Variants in DNM3 observed in about 807,000 individuals in gnomAD.
DNM3 encodes dynamin 3.
DNM3 carries 47 observed loss-of-function variants against 101.6 expected under a neutral mutation model. The observed-to-expected ratio is 0.46, with a 90% CI of 0.37 to 0.59. The LOEUF (loss-of-function observed/expected upper bound fraction) is 0.59, where lower values mean the gene tolerates loss of function less well. DNM3 is among the 20% of genes least tolerant of loss of function. DNM3 has a pLI of 0.00. For missense variants in DNM3, 849 were observed against 1,085.7 expected (o/e 0.78, Z 3.06); for synonymous variants, 385 against 387.9 (o/e 0.99, Z 0.09).
At position 172,084,670 on chromosome 1, in the gene DNM3, C is replaced by T. The variant is rs113443408; in HGVS notation, c.1493+2768C>T. Among the ~76,000 whole-genome samples, 1,084 of 152,112 alleles carry T rather than the reference C, an allele frequency of 7.1e-3. 20 individuals carry two copies. Among genetic ancestry groups the T allele is most frequent in the African/African-American group, 0.025 (1,031 of 41,502 alleles). On this transcript the variant is annotated intron_variant, in intron 12 of 20. Coordinates refer to ENST00000627582, the MANE Select transcript of DNM3 (RefSeq NM_015569.5). ...AAGTTGGCAAGAATGCTGTTTCCAT[C>T]AAGGAAGAAAAGTCAAGCCATATTT...
At chr1:172,330,434 T>C (rs906885460) in intron 17 of DNM3, among the ~76,000 whole-genome samples, 5 of 152,130 alleles carry the variant, frequency 3.3e-5, no homozygotes, top group Non-Finnish European at 5.9e-5. Flanking sequence ...GATATATACA[T>C]ATATGTTTGC....
At chr1:171,975,155 C>T (rs1469987515) in intron 2 of DNM3, among the ~76,000 whole-genome samples, 1 of 152,060 alleles carries the variant, frequency 6.6e-6, no homozygotes, top group African/African-American at 2.4e-5. Context: ...CTGCACCTGG[C>T]CATTGTTTTG....
chr1:171,997,537 C>T (rs2046082382), intron 4 of DNM3, among the ~76,000 whole-genome samples: 1 of 152,154 alleles, frequency 6.6e-6, no homozygotes, highest in Admixed American at 6.5e-5. Flanking sequence ...AGGAGCACTT[C>T]CTCCAGCTAT....
At chr1:172,356,585 T>G (rs1421970631) in intron 17 of DNM3, among the ~76,000 whole-genome samples, 1 of 152,012 alleles carries the variant, frequency 6.6e-6, no homozygotes, top group Non-Finnish European at 1.5e-5. Flanking sequence ...GCACATTCTA[T>G]TATGATTCCA....
intron 15 of DNM3, among the ~76,000 whole-genome samples, chr1:172,263,166 G>A (rs2062732043): frequency 6.6e-6 from 1 of 152,122 alleles, no homozygotes; most frequent in Admixed American, 6.5e-5. Flanking sequence ...CTAGGGGTGA[G>A]GACTGTGATA....
intron 4 of DNM3, among the ~76,000 whole-genome samples, chr1:171,999,726 G>C (rs1470558043): frequency 6.6e-6 from 1 of 151,992 alleles, no homozygotes; most frequent in Admixed American, 6.6e-5. Flanking sequence ...CTGGATTTAG[G>C]GTAGACCCTA....
intron 13 of DNM3, 37 bp downstream of exon 13, chr1:172,092,912 C>T (rs1459268054): frequency 6.6e-7 from 1 of 1,514,940 alleles, no homozygotes; most frequent in Non-Finnish European, 8.9e-7. Context: ...TATGCATGTC[C>T]CAAAGAATTT....
At position 172,410,936 on chromosome 1, in the gene DNM3, A is replaced by C; in HGVS notation, c.*3095A>C. The C allele has an allele frequency of 1.0e-6, 1 of 985,272 alleles. No individual in the cohort carries two copies. Among genetic ancestry groups the C allele is most frequent in the Non-Finnish European group, 1.2e-6 (1 of 829,806 alleles). 61.0% of individuals were successfully genotyped at this position (985,272 alleles called of 1,614,324 possible). A position where few individuals can be genotyped will look rare whatever the true frequency, so the allele number is the denominator to read the frequency against. On this transcript the variant is annotated 3_prime_UTR_variant, in exon 21 of 21. Coordinates refer to ENST00000627582, the MANE Select transcript of DNM3 (RefSeq NM_015569.5). Reference sequence around the variant, plus strand: ...TTTTCTGTGTACAAACACATTTTCTATGCATGTGTCTCTGTGTATATGGCA... The same window carrying C: ...TTTTCTGTGTACAAACACATTTTCTCTGCATGTGTCTCTGTGTATATGGCA...
chr1:172,028,951 T>A (rs1208939066), intron 4 of DNM3, among the ~76,000 whole-genome samples: 1 of 151,918 alleles, frequency 6.6e-6, no homozygotes, highest in Non-Finnish European at 1.5e-5. Flanking sequence ...CAGGACCAGA[T>A]AGATTCACAG....
chr1:172,245,969 G>T (rs1486878839), intron 14 of DNM3, among the ~76,000 whole-genome samples: 1 of 152,152 alleles, frequency 6.6e-6, no homozygotes, highest in East Asian at 1.9e-4. Flanking sequence ...TGACTGGGAG[G>T]CCTCAAGATA....
At chr1:171,947,979 T>G (rs2042268613) in intron 2 of DNM3, among the ~76,000 whole-genome samples, 1 of 152,228 alleles carries the variant, frequency 6.6e-6, no homozygotes, top group South Asian at 2.1e-4. Flanking sequence ...GTTTGTTTGC[T>G]TTTAATCTGT....
At chr1:172,352,201 T>G (rs1006804630) in intron 17 of DNM3, among the ~76,000 whole-genome samples, 52 of 152,184 alleles carry the variant, frequency 3.4e-4, no homozygotes, top group African/African-American at 1.3e-3. Flanking sequence ...TGTTAAGAAT[T>G]CATGAAGAAA....
chr1:171,968,982 C>G (rs2125537317), intron 2 of DNM3, among the ~76,000 whole-genome samples: 1 of 152,208 alleles, frequency 6.6e-6, no homozygotes, highest in Non-Finnish European at 1.5e-5. Context: ...GCTTATTTAG[C>G]TTTGATGGAA....
intron 10 of DNM3, among the ~76,000 whole-genome samples, chr1:172,055,856 G>C (rs1314762989): frequency 1.3e-5 from 2 of 152,110 alleles, no homozygotes; most frequent in African/African-American, 4.8e-5. Flanking sequence ...GGCCAAATAG[G>C]AACAGCTTCG....
chr1:172,313,793 T>C lies in DNM3; in HGVS notation c.1881+4954T>C, dbSNP rs200332971. On this transcript the variant is annotated intron_variant, in intron 16 of 20. Coordinates refer to ENST00000627582, the MANE Select transcript of DNM3 (RefSeq NM_015569.5). ...ATTTATTTATTTATTTATTTATTTATTTACTTACTTATTTTTATTATACTT... is the reference window on the plus strand; with the variant it reads ...ATTTATTTATTTATTTATTTATTTACTTACTTACTTATTTTTATTATACTT... Among the ~76,000 whole-genome samples the C allele has an allele frequency of 1.1e-3, 155 of 143,032 alleles. No homozygotes were observed. The South Asian group carries it at 0.014, about 13-fold the overall frequency. The allele number at this position is 143,032 out of a possible 152,430, so 93.8% of individuals were successfully genotyped here.
At chr1:172,235,754 C>T (rs1256072205) in intron 14 of DNM3, among the ~76,000 whole-genome samples, 2 of 151,938 alleles carry the variant, frequency 1.3e-5, no homozygotes, top group African/African-American at 2.4e-5. Context: ...GACAAAAAAC[C>T]AAACACCGCA....
chr1:172,195,114 C>A (rs144823218), intron 14 of DNM3, among the ~76,000 whole-genome samples: 1 of 151,958 alleles, frequency 6.6e-6, no homozygotes. Flanking sequence ...TTCTCCATCA[C>A]TTATGAAGCT....
chr1:172,330,903 C>T (rs115991029), intron 17 of DNM3, among the ~76,000 whole-genome samples: 3 of 152,252 alleles, frequency 2.0e-5, no homozygotes, highest in Middle Eastern at 3.4e-3. Context: ...TGAGACCCTA[C>T]AAGCTTGACA....
Position 172,235,100 on chromosome 1 carries a change from A to G in DNM3, c.1660-18473A>G, listed in dbSNP as rs566415166. ...GGGAGAAAATTTTTGCAATCTACTCATCTGACAAAGGGCTAATATCCAGAA... is the reference window on the plus strand; with the variant it reads ...GGGAGAAAATTTTTGCAATCTACTCGTCTGACAAAGGGCTAATATCCAGAA... On this transcript the variant is annotated intron_variant, in intron 14 of 20. Coordinates refer to ENST00000627582, the MANE Select transcript of DNM3 (RefSeq NM_015569.5). 2.6e-5 allele frequency among the ~76,000 whole-genome samples: 4 copies of G among 152,310 alleles called. No homozygotes were observed. The East Asian group carries it at 7.7e-4, about 29-fold the overall frequency.
Sources: gnomAD v4.1 joint callset for allele counts (sites outside exome capture counted in the v4.1 genomes callset) on GRCh38, gnomAD v4.1.1 for gene constraint, MANE v1.5 for transcripts, NCBI Gene and HGNC (gene_info 2026-07-23, HGNC 2026-07-21) for gene names.